The following ATN1 variants were observed in gnomAD, a reference collection of about 807,000 sequenced individuals.
ATN1 encodes atrophin-1.
Under a neutral mutation model 85.8 loss-of-function variants are expected in ATN1, and 19 were observed. The observed-to-expected ratio is 0.22, with a 90% CI of 0.15 to 0.32. The LOEUF is 0.32. ATN1 is among the 10% of genes least tolerant of loss of function. The probability of loss-of-function intolerance (pLI) is 1.00; values close to 1 mark genes in which losing one functional copy is unlikely to be tolerated. For synonymous variants in ATN1, 674 were observed against 657.0 expected (o/e 1.03, Z -0.39); for missense variants, 1,453 against 1,564.5 (o/e 0.93, Z 1.20).
Position 6,938,502 on chromosome 12 carries a change from G to T in ATN1, c.2539G>T (p.Ala847Ser). The change falls in exon 7 of 10, where the codon GCT becomes TCT. Residue 847 changes from alanine (A) to serine (S), a missense_variant. Ala to Ser is a moderately conservative substitution (Grantham distance 99). Transcript: ENST00000396684. ...RSVKLAQEGR[A>S]PVECPSLGPV... ...ACAGAAGTTGGCTCAGGAGGGCCGT[G>T]CTCCGGTGGAATGCCCATCTCTGGG... 1.2e-6 allele frequency: 2 copies of T among 1,609,564 alleles called. No homozygotes were observed. The highest frequency in any genetic ancestry group is 8.5e-7 in the Non-Finnish European group (1 of 1,176,346).
Position 6,938,780 on chromosome 12 carries a change from A to G in ATN1, c.2817A>G (p.Glu939=). The change falls in exon 7 of 10, where the codon GAA becomes GAG. Residue 939 remains glutamate, a synonymous_variant. Transcript: ENST00000396684. ...GGGAGAGGGAACGGGAAGCCCGTGA[A>G]CGAGACCTCCGTGACCGCCTCAAGC... The part of the protein sequence containing the change: ...AAREREREAR[E]RDLRDRLKPG... 6.2e-7 allele frequency: 1 copy of G among 1,614,096 alleles called. No homozygotes were observed. The highest frequency in any genetic ancestry group is 8.5e-7 in the Non-Finnish European group (1 of 1,180,022).
upstream of ATN1, among the ~76,000 whole-genome samples, chr12:6,924,960 G>C (rs1485325550): frequency 6.6e-6 from 1 of 152,104 alleles, no homozygotes; most frequent in African/African-American, 2.4e-5. Flanking sequence ...CCAAAGTATC[G>C]GGGTTGGATT....
Position 6,936,544 on chromosome 12 carries a change from A to C in ATN1, c.1277A>C (p.Lys426Thr). 6.3e-7 allele frequency: 1 copy of C among 1,585,476 alleles called. No individual in the cohort carries two copies. Among genetic ancestry groups the C allele is most frequent in the Non-Finnish European group, 8.5e-7 (1 of 1,169,872 alleles). Reference protein sequence around the residue: ...TSLSVSNQPPKYTQPSLPSQA... With the variant: ...TSLSVSNQPPTYTQPSLPSQA... ...CTCTCTGTCTCCAATCAGCCCCCCAAGTATACTCAGCCTTCTCTCCCATCC... is the reference window on the plus strand; with the variant it reads ...CTCTCTGTCTCCAATCAGCCCCCCACGTATACTCAGCCTTCTCTCCCATCC... The change falls in exon 5 of 10, where the codon AAG becomes ACG. Residue 426 changes from lysine (K) to threonine (T), a missense_variant. Transcript: ENST00000396684.
At position 6,936,219 on chromosome 12, in the gene ATN1, C is replaced by T. The variant is rs781907240; in HGVS notation, c.952C>T (p.Pro318Ser). The change falls in exon 5 of 10, where the codon CCT becomes TCT. Residue 318 changes from proline to serine, a missense_variant. Pro to Ser is a moderately conservative substitution (Grantham distance 74). This residue lies in a region of ATN1 where 990 missense variants were observed against 914.8 expected (regional missense o/e 1.08). Transcript: ENST00000396684. ...CCTCAACAATGCATCAGCCTCTCCC[C>T]CTGGCCTGGGGGCCCAACCACTACC... Reference protein sequence around the residue: ...RPLNNASASPPGLGAQPLPGH... With the variant: ...RPLNNASASPSGLGAQPLPGH... 3 of 1,600,818 alleles carry T rather than the reference C, an allele frequency of 1.9e-6. No individual in the cohort carries two copies. Among genetic ancestry groups the T allele is most frequent in the Non-Finnish European group, 1.7e-6 (2 of 1,172,594 alleles).
rs1555143665 is a variant in ATN1, at chr12:6,936,422, C to A, written c.1155C>A (p.Ala385=). 6.2e-7 allele frequency: 1 copy of A among 1,612,978 alleles called. No individual in the cohort carries two copies. The highest frequency in any genetic ancestry group is 1.3e-5 in the African/African-American group (1 of 74,780). ...YSSSSSSSAA[A]SSSSSSSSSS... is the part of the protein sequence containing the mutation. The stretch of plus-strand genomic sequence containing the variant: ...CCTCTAGTAGTAGCTCTGCAGCAGC[C>A]TCCTCTTCCAGTTCTTCCTCCTCTT... The change falls in exon 5 of 10, where the codon GCC becomes GCA. Residue 385 remains alanine (A), a synonymous_variant. Coordinates refer to ENST00000396684, the MANE Select transcript of ATN1 (RefSeq NM_001940.4).
intron 1 of ATN1, among the ~76,000 whole-genome samples, chr12:6,930,587 C>T (rs1253493846): frequency 5.9e-5 from 9 of 151,844 alleles, no homozygotes; most frequent in Non-Finnish European, 1.0e-4. Flanking sequence ...CGAGGTCAGG[C>T]GATTGAGACC....
chr12:6,939,085 G>C lies in ATN1; in HGVS notation c.3122G>C (p.Arg1041Pro). The change falls in exon 7 of 10, where the codon CGG (arginine) becomes CCG (proline). Residue 1041 changes from arginine (R) to proline (P), a missense_variant. Around this residue, in one of 6 missense-constraint regions of ATN1, gnomAD observed 208 missense variants for 263.4 expected, o/e 0.79. Transcript: ENST00000396684. Reference sequence around the variant, plus strand: ...GCCCTGGGCAATGACCCACTGGCCCGGCTGCAGATGCTCAATGTGACTCCC... The same window carrying C: ...GCCCTGGGCAATGACCCACTGGCCCCGCTGCAGATGCTCAATGTGACTCCC... ...VAALGNDPLA[R>P]LQMLNVTPHH... The C allele has an allele frequency of 1.2e-6, 2 of 1,602,842 alleles. No homozygotes were observed. Among genetic ancestry groups the C allele is most frequent in the Non-Finnish European group, 1.7e-6 (2 of 1,179,964 alleles).
Position 6,935,757 on chromosome 12 carries a change from C to G in ATN1, c.490C>G (p.Leu164Val), listed in dbSNP as rs1342021708. The G allele has an allele frequency of 5.0e-6, 8 of 1,613,744 alleles. No individual in the cohort carries two copies. Among genetic ancestry groups the G allele is most frequent in the Non-Finnish European group, 6.8e-6 (8 of 1,179,876 alleles). ...GPARPYHPPP[L>V]FPPSPQPPDS... The stretch of plus-strand genomic sequence containing the variant: ...AGCCCGCCCCTACCACCCACCTCCA[C>G]TCTTTCCTCCTTCCCCTCAACCGCC... Residue 164 changes from leucine (L) to valine (V), a missense_variant, in exon 5 of 10, where the codon CTC (leucine) becomes GTC (valine). This residue lies in a region of ATN1 where 990 missense variants were observed against 914.8 expected (regional missense o/e 1.08). Coordinates refer to ENST00000396684, the MANE Select transcript of ATN1 (RefSeq NM_001940.4). This position sits in a 1 kb window ranked among gnomAD's most constrained non-coding sequence, Gnocchi z 5.3.
At chr12:6,933,056 GTCACAA>G (rs1945485674) in intron 1 of ATN1, among the ~76,000 whole-genome samples, 1 of 152,164 alleles carries the variant, frequency 6.6e-6, no homozygotes, top group South Asian at 2.1e-4. Context: ...GGTTGGGCTA[GTCACAA>G]TCACAATCTT....
chr12:6,937,832 C>G lies in ATN1; in HGVS notation c.2295-13C>G. The G allele has an allele frequency of 6.5e-7, 1 of 1,544,148 alleles. No homozygotes were observed. Among genetic ancestry groups the G allele is most frequent in the African/African-American group, 1.4e-5 (1 of 72,458 alleles). On this transcript the variant is annotated splice_polypyrimidine_tract_variant and intron_variant, in intron 5 of 9. Coordinates refer to ENST00000396684, the MANE Select transcript of ATN1 (RefSeq NM_001940.4). This position sits in a 1 kb window ranked among gnomAD's most constrained non-coding sequence, Gnocchi z 6.0. ...CGCACCGCCTGAGCGCCCGCTGCTT[C>G]CACGCCCGGCAGGTTCAACAAACAC...
chr12:6,930,657 G>T (rs781919506), intron 1 of ATN1, among the ~76,000 whole-genome samples: 63 of 152,206 alleles, frequency 4.1e-4, no homozygotes, highest in Non-Finnish European at 2.9e-5. Context: ...TTAGCCGGGC[G>T]TGGTGGCGGG....
Position 6,936,132 on chromosome 12 carries a change from C to T in ATN1, c.865C>T (p.Pro289Ser). The T allele has an allele frequency of 6.5e-7, 1 of 1,531,640 alleles. No individual in the cohort carries two copies. The allele number at this position is 1,531,640 out of a possible 1,614,324, so 94.9% of individuals were successfully genotyped here. ...GGGTGGTGGGAACCTACCTTCTGCTCCACCACCAGCCAACTTCCCCCATGT... is the reference window on the plus strand; with the variant it reads ...GGGTGGTGGGAACCTACCTTCTGCTTCACCACCAGCCAACTTCCCCCATGT... ...PVGGGNLPSA[P>S]PPANFPHVTP... is the part of the protein sequence containing the mutation. Residue 289 changes from proline (P) to serine (S), a missense_variant, in exon 5 of 10, where the codon CCA becomes TCA. By Grantham distance (74) the Pro-to-Ser change is moderately conservative. Transcript: ENST00000396684.
chr12:6,938,730 C>T lies in ATN1; in HGVS notation c.2767C>T (p.Leu923=), dbSNP rs1555144253. 6.2e-7 allele frequency: 1 copy of T among 1,614,034 alleles called. No homozygotes were observed. The highest frequency in any genetic ancestry group is 8.5e-7 in the Non-Finnish European group (1 of 1,180,044). Reference sequence around the variant, plus strand: ...GCTCCTGGGTTACAATGTCCCGGCCCTGTACAGCAGTGATCCAGCTGCCCG... The same window carrying T: ...GCTCCTGGGTTACAATGTCCCGGCCTTGTACAGCAGTGATCCAGCTGCCCG... ...PGLLGYNVPA[L]YSSDPAARER... The change falls in exon 7 of 10, where the codon CTG becomes TTG. Residue 923 remains leucine, a synonymous_variant. Coordinates refer to ENST00000396684, the MANE Select transcript of ATN1 (RefSeq NM_001940.4).
intron 7 of ATN1, among the ~76,000 whole-genome samples, chr12:6,939,534 C>T (rs1309524410): frequency 6.6e-6 from 1 of 152,254 alleles, no homozygotes; most frequent in Non-Finnish European, 1.5e-5. Context: ...CATGGTCTGG[C>T]TCTGCCACCC....
In ATN1 at chr12:6,942,137, T is replaced by G. The variant is rs934727497; in HGVS notation, c.*357T>G. 40 of 338,666 alleles carry G rather than the reference T, an allele frequency of 1.2e-4. No homozygotes were observed. Among genetic ancestry groups the G allele is most frequent in the Non-Finnish European group, 3.4e-5 (6 of 177,848 alleles). The allele number at this position is 338,666 out of a possible 1,614,324, so 21.0% of individuals were successfully genotyped here. A position where few individuals can be genotyped will look rare whatever the true frequency, so the allele number is the denominator to read the frequency against. ...TTTCATCTGTTAGATGTGGCTGTTT[T>G]GCGTAGCATCGTGTGCCACCCCTGC... On this transcript the variant is annotated 3_prime_UTR_variant, in exon 10 of 10. Coordinates refer to ENST00000396684, the MANE Select transcript of ATN1 (RefSeq NM_001940.4).
intron 1 of ATN1, among the ~76,000 whole-genome samples, chr12:6,931,937 A>T (rs1377221270): frequency 2.1e-5 from 3 of 143,372 alleles, no homozygotes; most frequent in Admixed American, 7.2e-5. Context: ...CAGGAGGCTG[A>T]GGCAGGAGAA....
At position 6,941,109 on chromosome 12, in the gene ATN1, T is replaced by C. The variant is rs1036229509; in HGVS notation, c.3358+86T>C. The C allele has an allele frequency of 6.5e-7, 1 of 1,531,136 alleles. No individual in the cohort carries two copies. The highest frequency in any genetic ancestry group is 8.9e-7 in the Non-Finnish European group (1 of 1,129,174). 94.8% of individuals were successfully genotyped at this position (1,531,136 alleles called of 1,614,324 possible). On this transcript the variant is annotated intron_variant, in intron 8 of 9. Coordinates refer to ENST00000396684, the MANE Select transcript of ATN1 (RefSeq NM_001940.4). This position sits in a 1 kb window ranked among gnomAD's most constrained non-coding sequence, Gnocchi z 5.9. ...GGTGGGGGGATGGGCCTAGTTGGGCTTGGGGAGGGATGAGGAGGTGCCTAG... is the reference window on the plus strand; with the variant it reads ...GGTGGGGGGATGGGCCTAGTTGGGCCTGGGGAGGGATGAGGAGGTGCCTAG...
Position 6,941,409 on chromosome 12 carries a change from G to A in ATN1, c.3394G>A (p.Ala1132Thr). The A allele has an allele frequency of 6.2e-7, 1 of 1,607,062 alleles. No individual in the cohort carries two copies. The highest frequency in any genetic ancestry group is 8.5e-7 in the Non-Finnish European group (1 of 1,176,142). ...PYRDLPASLSAPMSAAHQLQA... is the reference protein window; with the variant it reads ...PYRDLPASLSTPMSAAHQLQA... ...CCGGGACCTGCCGGCCTCCCTTTCT[G>A]CCCCGATGTCAGCAGCTCATCAGCT... The change falls in exon 9 of 10, where the codon GCC (alanine) becomes ACC (threonine). Residue 1132 changes from alanine (A) to threonine (T), a missense_variant. Ala to Thr is a moderately conservative substitution (Grantham distance 58). Around this residue, in one of 6 missense-constraint regions of ATN1, gnomAD observed 118 missense variants for 163.7 expected, o/e 0.72. Transcript: ENST00000396684. This position sits in a 1 kb window ranked among gnomAD's most constrained non-coding sequence, Gnocchi z 5.9.
Position 6,927,998 on chromosome 12 carries a change from G to C in ATN1, c.-549G>C, listed in dbSNP as rs1409737743. ...AGGGGCCCGGGATCGCGCGGGTGCG[G>C]GCTGCGCTAGGCGGGCGCGGGCGGC... On this transcript the variant is annotated 5_prime_UTR_variant, in exon 1 of 10. Coordinates refer to ENST00000396684, the MANE Select transcript of ATN1 (RefSeq NM_001940.4). 1.4e-5 allele frequency among the ~76,000 whole-genome samples: 2 copies of C among 145,830 alleles called. No homozygotes were observed. Among genetic ancestry groups the C allele is most frequent in the African/African-American group, 5.0e-5 (2 of 40,336 alleles).
Sources: allele counts gnomAD v4.1 joint callset (sites outside exome capture counted in the v4.1 genomes callset), GRCh38; gene constraint gnomAD v4.1.1; regional missense constraint gnomAD v4.1.1; non-coding constraint Gnocchi (gnomAD v3.1); transcripts MANE v1.5; gene names NCBI Gene and HGNC (gene_info 2026-07-23, HGNC 2026-07-21).